The following TRIP4 variants were observed in gnomAD, a reference collection of about 807,000 sequenced individuals.
The protein encoded by TRIP4 is thyroid hormone receptor interactor 4.
A neutral mutation model predicts 81.8 loss-of-function variants in TRIP4; 54 were observed. That is an observed-to-expected ratio of 0.66 (90% CI 0.53 to 0.83). The LOEUF (loss-of-function observed/expected upper bound fraction) is 0.83, where lower values mean the gene tolerates loss of function less well. TRIP4 is among the 40% of genes least tolerant of loss of function. The pLI, the probability that TRIP4 is intolerant of heterozygous loss-of-function variation, is 0.00. For missense variants in TRIP4, 662 were observed against 683.6 expected (o/e 0.97, Z 0.35); for synonymous variants, 270 against 242.8 (o/e 1.11, Z -1.04).
At chr15:64,451,465 C>CTTTTTTTTTTTTTTTTTTT (rs145401592) in intron 12 of TRIP4, among the ~76,000 whole-genome samples, 1 of 64,690 alleles carries the variant, frequency 1.5e-5, no homozygotes, top group Admixed American at 2.5e-4. Flanking sequence ...CAAATCTGAT[C>CTTTTTTTTTTTTTTTTTTT]TTTTTTTTTT....
intron 12 of TRIP4, 158 bp downstream of exon 12, chr15:64,445,266 T>G (rs1283249451): frequency 1.9e-5 from 8 of 428,226 alleles, no homozygotes; most frequent in Non-Finnish European, 2.9e-5. Flanking sequence ...TCTTTGATGG[T>G]CTAATTTTCT....
chr15:64,453,914 G>T (rs1892826131), intron 12 of TRIP4, among the ~76,000 whole-genome samples: 1 of 152,206 alleles, frequency 6.6e-6, no homozygotes, highest in Non-Finnish European at 1.5e-5. Flanking sequence ...GAAATCCAGA[G>T]AAATTGAATG....
intron 12 of TRIP4, chr15:64,450,595 G>A (rs547168571): frequency 4.4e-6 from 2 of 450,292 alleles, no homozygotes; most frequent in Non-Finnish European, 9.0e-6. Flanking sequence ...TCTGTTAGAC[G>A]TTAAGGATAC....
At chr15:64,400,646 A>G (rs1320110192) in intron 4 of TRIP4, 97 bp from the exon 5 acceptor site, 1 of 877,202 alleles carries the variant, frequency 1.1e-6, no homozygotes, top group Non-Finnish European at 1.8e-6. Flanking sequence ...TTATTTTATC[A>G]TCATCTAATG....
At chr15:64,424,376 A>C in intron 10 of TRIP4, 1 of 526,918 alleles carries the variant, frequency 1.9e-6, no homozygotes, top group Non-Finnish European at 3.1e-6. Context: ...ACAAGAAATC[A>C]ACTAGTCTTA....
chr15:64,454,181 C>T (rs1892833916), intron 12 of TRIP4, among the ~76,000 whole-genome samples: 1 of 139,518 alleles, frequency 7.2e-6, no homozygotes, highest in Admixed American at 7.7e-5. Flanking sequence ...TTTCTATTTT[C>T]AGCATAAGCA....
At chr15:64,423,489 C>CAAAAAAAA (rs1892065012) in intron 9 of TRIP4, among the ~76,000 whole-genome samples, 1 of 95,940 alleles carries the variant, frequency 1.0e-5, no homozygotes, top group African/African-American at 3.8e-5. Context: ...AAAAAAAAAG[C>CAAAAAAAA]AAATGGGTGT....
chr15:64,422,993 A>T (rs1303137350), intron 9 of TRIP4, among the ~76,000 whole-genome samples: 1 of 152,206 alleles, frequency 6.6e-6, no homozygotes, highest in African/African-American at 2.4e-5. Flanking sequence ...GATAAGAGGG[A>T]TATATTATCA....
chr15:64,446,084 C>T (rs1464316637), intron 12 of TRIP4, among the ~76,000 whole-genome samples: 3 of 151,864 alleles, frequency 2.0e-5, no homozygotes, highest in African/African-American at 7.3e-5. Flanking sequence ...ACCAGCCTGG[C>T]CAACATGGTA....
At chr15:64,431,278 G>A (rs964631210) in intron 11 of TRIP4, among the ~76,000 whole-genome samples, 33 of 152,068 alleles carry the variant, frequency 2.2e-4, no homozygotes, top group African/African-American at 7.5e-4. Flanking sequence ...GATGAGGGCT[G>A]TTATCTGAGA....
chr15:64,453,866 A>G (rs1052126481), intron 12 of TRIP4, among the ~76,000 whole-genome samples: 1 of 152,248 alleles, frequency 6.6e-6, no homozygotes, highest in African/African-American at 2.4e-5. Context: ...CATGGTCAGT[A>G]CATGTATTCT....
chr15:64,418,442 CA>C, intron 8 of TRIP4, 98 bp from the exon 9 acceptor site: 1 of 1,283,846 alleles, frequency 7.8e-7, no homozygotes, highest in Non-Finnish European at 1.1e-6. Context: ...AAAATGTTCC[CA>C]ATATGATTTC....
intron 9 of TRIP4, among the ~76,000 whole-genome samples, chr15:64,419,600 C>T (rs1219376287): frequency 6.6e-6 from 1 of 151,806 alleles, no homozygotes; most frequent in South Asian, 2.1e-4. Context: ...CCTCGTGATC[C>T]GCCCGCCTCG....
intron 11 of TRIP4, among the ~76,000 whole-genome samples, chr15:64,441,865 G>T (rs1464557323): frequency 2.0e-5 from 3 of 152,264 alleles, no homozygotes; most frequent in Admixed American, 1.3e-4. Context: ...ATTTTAAATA[G>T]GGTTATCAAG....
At chr15:64,390,664 G>A (rs149971102) in intron 1 of TRIP4, among the ~76,000 whole-genome samples, 3 of 151,200 alleles carry the variant, frequency 2.0e-5, no homozygotes, top group Non-Finnish European at 4.4e-5. Flanking sequence ...GCCAAGGCAG[G>A]TGGACCACCT....
chr15:64,435,822 T>TAA (rs57170652), intron 11 of TRIP4, among the ~76,000 whole-genome samples: 2,291 of 65,690 alleles, frequency 0.035, 150 homozygotes, highest in African/African-American at 0.12. Context: ...GGAAGCTTCT[T>TAA]AAAAAAAAAA....
chr15:64,417,279 T>C (rs1247554681), intron 8 of TRIP4, among the ~76,000 whole-genome samples: 1 of 152,112 alleles, frequency 6.6e-6, no homozygotes, highest in Non-Finnish European at 1.5e-5. Context: ...CCTTAAGTGC[T>C]GGGATTACAG....
In TRIP4 at chr15:64,397,600, C is replaced by T. The variant is rs760998598; in HGVS notation, c.406-6C>T. ...TTGATGTTATTTTGATGTCTTTGTA[C>T]GATAGGCACAAGAGAACAGCAACTC... On this transcript the variant is annotated splice_polypyrimidine_tract_variant and splice_region_variant and intron_variant, in intron 3 of 12. Coordinates refer to ENST00000261884, the MANE Select transcript of TRIP4 (RefSeq NM_016213.5). 1.9e-5 allele frequency: 31 copies of T among 1,609,130 alleles called. No homozygotes were observed. In the Middle Eastern group the frequency reaches 5.0e-4, roughly 26 times the overall value.
Position 64,455,099 on chromosome 15 carries a change from T to G in TRIP4, c.*35T>G. 6.3e-7 allele frequency: 1 copy of G among 1,592,014 alleles called. No homozygotes were observed. The highest frequency in any genetic ancestry group is 8.6e-7 in the Non-Finnish European group (1 of 1,165,162). ...AAAGGAACTATACAGCATAGTGGAG[T>G]TTTGTGTACTAAAATTGCTATCTAC... On this transcript the variant is annotated 3_prime_UTR_variant, in exon 13 of 13. Transcript: ENST00000261884.
Sources: gnomAD v4.1 joint callset for allele counts (sites outside exome capture counted in the v4.1 genomes callset) on GRCh38, gnomAD v4.1.1 for gene constraint, MANE v1.5 for transcripts, NCBI Gene and HGNC (gene_info 2026-07-23, HGNC 2026-07-21) for gene names.